The following BRINP3 variants were observed in gnomAD, a reference collection of about 807,000 sequenced individuals.
The protein encoded by BRINP3 is BMP/retinoic acid-inducible neural-specific protein 3.
A neutral mutation model predicts 71.0 loss-of-function variants in BRINP3; 19 were observed. The observed-to-expected ratio is 0.27, with a 90% CI of 0.19 to 0.39. The LOEUF (loss-of-function observed/expected upper bound fraction) is 0.39, where lower values mean the gene tolerates loss of function less well. Among genes scored for constraint, BRINP3 ranks in the 10% least tolerant of loss-of-function variants. BRINP3 has a pLI of 1.00. For missense variants in BRINP3, 959 were observed against 940.8 expected, an observed-to-expected ratio of 1.02 and a Z score of -0.25; for synonymous variants, 380 against 337.7, an observed-to-expected ratio of 1.13 and a Z score of -1.37.
intron 2 of BRINP3, among the ~76,000 whole-genome samples, chr1:190,282,725 G>A (rs777766764): frequency 4.6e-5 from 7 of 151,966 alleles, no homozygotes; most frequent in Non-Finnish European, 8.8e-5. Flanking sequence ...CTGTCCATCT[G>A]CAAGTAGCCT....
intron 7 of BRINP3, among the ~76,000 whole-genome samples, chr1:190,119,215 A>AACATT (rs1413396242): frequency 6.6e-6 from 1 of 151,970 alleles, no homozygotes; most frequent in South Asian, 2.1e-4. Flanking sequence ...AAATCTTTAA[A>AACATT]ACATTACATT....
rs200330619 is a variant in BRINP3 at position 190,238,692 on chromosome 1, T to TA, written c.619-4216dup. On this transcript the variant is annotated intron_variant, in intron 4 of 7. Transcript: ENST00000367462. ...TTCTCATATGCTGCTGCTGGGAGTT[T>TA]AACTCGTACAATCACTTTAGAAAAT... Among the ~76,000 whole-genome samples, 25 of 151,608 alleles carry TA rather than the reference T, an allele frequency of 1.6e-4. 2 individuals carry two copies. The highest frequency in any genetic ancestry group is 1.4e-3 in the East Asian group (7 of 5,162).
chr1:190,465,502 G>A (rs1676681301), intron 1 of BRINP3, among the ~76,000 whole-genome samples: 1 of 151,804 alleles, frequency 6.6e-6, no homozygotes, highest in African/African-American at 2.4e-5. Context: ...GATCCGCCTA[G>A]ATATCCGTTT....
intron 2 of BRINP3, among the ~76,000 whole-genome samples, chr1:190,415,919 A>G (rs557974239): frequency 1.3e-5 from 2 of 152,296 alleles, no homozygotes; most frequent in African/African-American, 4.8e-5. Context: ...AAATTAATAT[A>G]CATACATATA....
intron 2 of BRINP3, among the ~76,000 whole-genome samples, chr1:190,352,678 A>C (rs1668467884): frequency 3.9e-5 from 6 of 151,952 alleles, no homozygotes; most frequent in Admixed American, 2.6e-4. Context: ...CCTAATGTGT[A>C]CTCTGTCCCA....
At chr1:190,274,767 C>T (rs1662405429) in intron 3 of BRINP3, among the ~76,000 whole-genome samples, 1 of 151,432 alleles carries the variant, frequency 6.6e-6, no homozygotes, top group Admixed American at 6.6e-5. Flanking sequence ...CTGGTGAGAT[C>T]TATCTACTAA....
At chr1:190,363,587 T>C (rs576675034) in intron 2 of BRINP3, among the ~76,000 whole-genome samples, 2 of 152,168 alleles carry the variant, frequency 1.3e-5, no homozygotes, top group East Asian at 1.9e-4. Context: ...AGGAGGGGCA[T>C]AACAGGTGAG....
At chr1:190,180,969 T>G (rs1445773521) in intron 6 of BRINP3, among the ~76,000 whole-genome samples, 2 of 152,070 alleles carry the variant, frequency 1.3e-5, no homozygotes, top group Non-Finnish European at 2.9e-5. Flanking sequence ...AATTTATGTG[T>G]ATAGTTATAT....
At chr1:190,331,972 T>C (rs1282656418) in intron 2 of BRINP3, among the ~76,000 whole-genome samples, 1 of 152,036 alleles carries the variant, frequency 6.6e-6, no homozygotes, top group Non-Finnish European at 1.5e-5. Flanking sequence ...GTTATTATTA[T>C]CTTTTCGTGC....
chr1:190,276,554 GACAC>G (rs150589288), intron 3 of BRINP3, among the ~76,000 whole-genome samples: 3,625 of 145,826 alleles, frequency 0.025, 71 homozygotes, highest in South Asian at 0.11. Context: ...TTCTTTAAAA[GACAC>G]ACACACACAC....
At chr1:190,266,043 A>C (rs551740846) in intron 3 of BRINP3, among the ~76,000 whole-genome samples, 3 of 152,318 alleles carry the variant, frequency 2.0e-5, no homozygotes, top group African/African-American at 7.2e-5. Flanking sequence ...TTCAATGTCC[A>C]AAAGACAAAA....
At chr1:190,355,137 T>C (rs1668647394) in intron 2 of BRINP3, among the ~76,000 whole-genome samples, 1 of 151,902 alleles carries the variant, frequency 6.6e-6, no homozygotes, top group African/African-American at 2.4e-5. Flanking sequence ...AATATATACT[T>C]AATAAACAGA....
At chr1:190,412,143 A>AT (rs1301055720) in intron 2 of BRINP3, among the ~76,000 whole-genome samples, 2 of 151,916 alleles carry the variant, frequency 1.3e-5, no homozygotes, top group East Asian at 1.9e-4. Flanking sequence ...GCAGAACTCA[A>AT]TAAAAAAAAA....
chr1:190,181,459 CG>C (rs531289839), intron 6 of BRINP3, among the ~76,000 whole-genome samples: 279 of 151,818 alleles, frequency 1.8e-3, no homozygotes, highest in African/African-American at 6.4e-3. Flanking sequence ...TTTTGCTTTC[CG>C]TTTTCTTTTT....
At chr1:190,465,008 T>C (rs1257301015) in intron 1 of BRINP3, among the ~76,000 whole-genome samples, 1 of 151,928 alleles carries the variant, frequency 6.6e-6, no homozygotes, top group Non-Finnish European at 1.5e-5. Context: ...AAAGAGGAAG[T>C]TAAATGCTAA....
At chr1:190,428,959 A>T (rs1237348262) in intron 2 of BRINP3, among the ~76,000 whole-genome samples, 1 of 152,148 alleles carries the variant, frequency 6.6e-6, no homozygotes, top group Non-Finnish European at 1.5e-5. Flanking sequence ...AGATCACAAA[A>T]ATATGTTCAA....
intron 7 of BRINP3, among the ~76,000 whole-genome samples, chr1:190,118,707 C>CT (rs1296812732): frequency 6.6e-6 from 1 of 152,126 alleles, no homozygotes; most frequent in Non-Finnish European, 1.5e-5. Context: ...CCAGCTTCTT[C>CT]TTAAAGGCAT....
At chr1:190,294,457 G>T (rs902293762) in intron 2 of BRINP3, among the ~76,000 whole-genome samples, 4 of 151,712 alleles carry the variant, frequency 2.6e-5, no homozygotes, top group Non-Finnish European at 4.4e-5. Flanking sequence ...TCACTTTGTT[G>T]CCCATGCTGG....
intron 2 of BRINP3, among the ~76,000 whole-genome samples, chr1:190,350,830 T>G (rs1170539675): frequency 1.3e-5 from 2 of 151,932 alleles, no homozygotes; most frequent in East Asian, 1.9e-4. Context: ...TTGTTTTTTT[T>G]TTTTTTTTTT....
Sources: gnomAD v4.1 joint callset for allele counts (sites outside exome capture counted in the v4.1 genomes callset) on GRCh38, gnomAD v4.1.1 for gene constraint, MANE v1.5 for transcripts, NCBI Gene and HGNC (gene_info 2026-07-23, HGNC 2026-07-21) for gene names.